The following PAPPA2 variants were observed in gnomAD, a reference collection of about 807,000 sequenced individuals.
The protein encoded by PAPPA2 is pappalysin-2.
In PAPPA2, 86 loss-of-function variants were observed where a neutral mutation model predicts 176.4. That is an observed-to-expected ratio of 0.49 (90% CI 0.41 to 0.58). The LOEUF is 0.58. PAPPA2 is among the 20% of genes least tolerant of loss of function. PAPPA2 has a pLI of 0.00. For synonymous variants in PAPPA2, 809 were observed against 852.2 expected (o/e 0.95, Z 0.88); for missense variants, 2,073 against 2,256.9 (o/e 0.92, Z 1.65).
chr1:176,668,619 T>A (rs1189530377), intron 3 of PAPPA2, among the ~76,000 whole-genome samples: 3 of 152,204 alleles, frequency 2.0e-5, no homozygotes, highest in Non-Finnish European at 4.4e-5. Context: ...TGTGTTGCAA[T>A]AGACAGAGCA....
At chr1:176,635,932 G>A (rs566001584) in intron 3 of PAPPA2, among the ~76,000 whole-genome samples, 1 of 152,210 alleles carries the variant, frequency 6.6e-6, no homozygotes, top group East Asian at 1.9e-4. Flanking sequence ...AATGCCCTGA[G>A]TTAACCTGAC....
At chr1:176,621,824 T>C (rs1052664971) in intron 3 of PAPPA2, among the ~76,000 whole-genome samples, 7 of 152,184 alleles carry the variant, frequency 4.6e-5, no homozygotes, top group African/African-American at 1.7e-4. Context: ...CTTTAAAAAG[T>C]AATAATAAAG....
At chr1:176,786,040 G>A (rs923109821) in intron 17 of PAPPA2, among the ~76,000 whole-genome samples, 1 of 152,164 alleles carries the variant, frequency 6.6e-6, no homozygotes, top group East Asian at 1.9e-4. Context: ...GGGGATATCA[G>A]TTCAGCAGAG....
chr1:176,499,857 A>T (rs565770888), intron 1 of PAPPA2, among the ~76,000 whole-genome samples: 9 of 152,148 alleles, frequency 5.9e-5, no homozygotes, highest in African/African-American at 2.2e-4. Context: ...TCCCTCTCTT[A>T]GCTTGTGGTA....
At chr1:176,783,407 TG>T (rs1664802365) in intron 17 of PAPPA2, among the ~76,000 whole-genome samples, 1 of 152,128 alleles carries the variant, frequency 6.6e-6, no homozygotes, top group African/African-American at 2.4e-5. Flanking sequence ...GATAGAAGGA[TG>T]GGGTGGACTA....
intron 12 of PAPPA2, among the ~76,000 whole-genome samples, chr1:176,736,616 G>C (rs1011372180): frequency 6.8e-6 from 1 of 147,418 alleles, no homozygotes; most frequent in Non-Finnish European, 1.5e-5. Context: ...TTTGTTACTT[G>C]GTTGTGGAAA....
At chr1:176,814,316 T>G (rs1039621054) in intron 21 of PAPPA2, among the ~76,000 whole-genome samples, 5 of 152,224 alleles carry the variant, frequency 3.3e-5, no homozygotes, top group Middle Eastern at 3.2e-3. Context: ...TCTAATCCTG[T>G]GAAGAATGTC....
chr1:176,735,894 T>C (rs1662390668), intron 12 of PAPPA2, among the ~76,000 whole-genome samples: 1 of 152,144 alleles, frequency 6.6e-6, no homozygotes. Context: ...CTTGCTTTTC[T>C]AACAGTACTT....
rs180957764 is a variant in PAPPA2 at position 176,807,188 on chromosome 1, T to G, written c.5202+7056T>G. On this transcript the variant is annotated intron_variant, in intron 21 of 22. Transcript: ENST00000367662. ...AATTGCATTTATCAGTAATGCTGAA[T>G]CACTTCTGTTACTCAAAGCACAAGG... 1.7e-4 allele frequency among the ~76,000 whole-genome samples: 26 copies of G among 152,334 alleles called. No individual in the cohort carries two copies. In the East Asian group the frequency reaches 3.5e-3, roughly 20 times the overall value.
chr1:176,677,764 T>C (rs1178999756), intron 4 of PAPPA2, among the ~76,000 whole-genome samples: 1 of 152,092 alleles, frequency 6.6e-6, no homozygotes, highest in East Asian at 1.9e-4. Context: ...ATTGTCTTGG[T>C]ACCATACTCA....
intron 14 of PAPPA2, among the ~76,000 whole-genome samples, chr1:176,758,512 T>C (rs1663545639): frequency 6.6e-6 from 1 of 152,206 alleles, no homozygotes; most frequent in South Asian, 2.1e-4. Context: ...TACATCCTAC[T>C]CCTATCTGCT....
intron 2 of PAPPA2, among the ~76,000 whole-genome samples, chr1:176,567,513 G>A (rs746204874): frequency 1.9e-4 from 29 of 152,108 alleles, no homozygotes; most frequent in Non-Finnish European, 3.8e-4. Context: ...CTACATTCTG[G>A]GAAGGTTATA....
chr1:176,585,283 G>GT (rs912003270), intron 2 of PAPPA2, among the ~76,000 whole-genome samples: 184 of 147,326 alleles, frequency 1.2e-3, no homozygotes, highest in South Asian at 8.3e-3. Context: ...GGATTTGTTT[G>GT]TTTTTTTTTT....
chr1:176,709,416 T>C (rs1244981855), intron 10 of PAPPA2, among the ~76,000 whole-genome samples: 2 of 151,948 alleles, frequency 1.3e-5, no homozygotes, highest in Non-Finnish European at 2.9e-5. Flanking sequence ...TAAAAAAAAA[T>C]TAATAACATA....
chr1:176,690,431 G>C lies in PAPPA2; in HGVS notation c.2431+1G>C. ...TTCACCAACTACATGAGCTACACGG[G>C]TATCACCACTGTCTTGTTTTGTTTT... On this transcript the variant is annotated splice_donor_variant, in intron 5 of 22. Coordinates refer to ENST00000367662, the MANE Select transcript of PAPPA2 (RefSeq NM_020318.3). LOFTEE classifies it high-confidence loss of function. 6.2e-7 allele frequency: 1 copy of C among 1,613,364 alleles called. No individual in the cohort carries two copies. The highest frequency in any genetic ancestry group is 8.5e-7 in the Non-Finnish European group (1 of 1,179,364).
rs1217707068 is a variant in PAPPA2, at chr1:176,494,511, C to A, written c.-917+31093C>A. Among the ~76,000 whole-genome samples the A allele has an allele frequency of 1.3e-5, 2 of 152,154 alleles. 1 individual carries two copies. Among genetic ancestry groups the A allele is most frequent in the East Asian group, 3.8e-4 (2 of 5,198 alleles). ...GGATTACATTTGCAACTTGCACCAG[C>A]AAAACTTTTGGCATTTAATTCTATT... On this transcript the variant is annotated intron_variant, in intron 1 of 22. Coordinates refer to ENST00000367662, the MANE Select transcript of PAPPA2 (RefSeq NM_020318.3).
chr1:176,765,627 T>C (rs375431800), intron 14 of PAPPA2, 39 bp from the exon 15 acceptor site: 8 of 1,591,134 alleles, frequency 5.0e-6, no homozygotes, highest in Non-Finnish European at 6.0e-6. Flanking sequence ...TTACTGGTTC[T>C]CAACCAGTCC....
intron 1 of PAPPA2, among the ~76,000 whole-genome samples, chr1:176,551,253 A>G (rs1349202057): frequency 6.6e-6 from 1 of 152,196 alleles, no homozygotes. Context: ...TTCCAGCACT[A>G]GCTGAATAAG....
intron 14 of PAPPA2, among the ~76,000 whole-genome samples, chr1:176,748,636 A>G (rs1199013825): frequency 6.6e-6 from 1 of 152,178 alleles, no homozygotes; most frequent in Non-Finnish European, 1.5e-5. Context: ...ACCACATTAC[A>G]TTTGTCTCAA....
Sources: gnomAD v4.1 joint callset for allele counts (sites outside exome capture counted in the v4.1 genomes callset) on GRCh38, gnomAD v4.1.1 for gene constraint, MANE v1.5 for transcripts, NCBI Gene and HGNC (gene_info 2026-07-23, HGNC 2026-07-21) for gene names.